SYNE1: variants seen among roughly 807,000 people sequenced by gnomAD.
The protein encoded by SYNE1 is spectrin repeat containing nuclear envelope protein 1.
Under a neutral mutation model 1,111.0 loss-of-function variants are expected in SYNE1, and 616 were observed. The ratio of observed to expected loss-of-function variants is 0.55; its 90% confidence interval spans 0.52 to 0.59. SYNE1 has a LOEUF of 0.59. Ranked by LOEUF, SYNE1 falls within the 20% of genes least tolerant of loss-of-function variation. SYNE1 has a pLI of 0.00. For missense variants in SYNE1, 10,006 were observed against 10,417.0 expected (o/e 0.96, Z 1.72); for synonymous variants, 3,855 against 3,825.8 (o/e 1.01, Z -0.28).
In SYNE1 at chr6:152,430,545, A is replaced by T; in HGVS notation, c.4626T>A (p.Cys1542Ter). Residue 1542 changes from cysteine (C) to a stop codon, truncating the protein, a stop_gained, in exon 35 of 146, where the codon TGT (cysteine) becomes TGA (stop). Coordinates refer to ENST00000367255, the MANE Select transcript of SYNE1 (RefSeq NM_182961.4). LOFTEE classifies it high-confidence loss of function. ...YGEELREHAQ[C>*]LEGTILGHLS... ...AATGTCCCAGGATTGTTCCTTCCAG[A>T]CACTGTGCATGCTCTCGAAGCTCTT... 1 of 1,614,088 alleles carries T rather than the reference A, an allele frequency of 6.2e-7. No individual in the cohort carries two copies. Among genetic ancestry groups the T allele is most frequent in the Non-Finnish European group, 8.5e-7 (1 of 1,179,968 alleles).
chr6:152,560,033 C>T (rs938695411), intron 3 of SYNE1, among the ~76,000 whole-genome samples: 3 of 151,982 alleles, frequency 2.0e-5, no homozygotes, highest in Non-Finnish European at 4.4e-5. Flanking sequence ...ATTCCAGACA[C>T]GTACAATCTA....
chr6:152,171,061 C>T (rs994279122), intron 130 of SYNE1, among the ~76,000 whole-genome samples: 1 of 152,206 alleles, frequency 6.6e-6, no homozygotes, highest in Non-Finnish European at 1.5e-5. Context: ...GAGGCCTCCC[C>T]AGCCATGTGG....
intron 21 of SYNE1, among the ~76,000 whole-genome samples, chr6:152,459,529 C>A (rs1270962778): frequency 6.6e-6 from 1 of 152,214 alleles, no homozygotes; most frequent in African/African-American, 2.4e-5. Context: ...ATTCATGAAG[C>A]TTCCCATGCT....
intron 34 of SYNE1, among the ~76,000 whole-genome samples, chr6:152,432,684 T>A (rs1172346275): frequency 6.6e-6 from 1 of 152,202 alleles, no homozygotes; most frequent in Non-Finnish European, 1.5e-5. Flanking sequence ...GAAAAATGTG[T>A]GTTAATTTTC....
intron 34 of SYNE1, 132 bp downstream of exon 34, chr6:152,433,663 T>C (rs2098449115): frequency 9.3e-7 from 1 of 1,077,030 alleles, no homozygotes; most frequent in South Asian, 1.3e-5. Context: ...TGATAAAATG[T>C]ATGAATTTAA....
chr6:152,523,582 T>C (rs1014549912), intron 5 of SYNE1, among the ~76,000 whole-genome samples: 2 of 152,184 alleles, frequency 1.3e-5, no homozygotes, highest in Admixed American at 6.6e-5. Flanking sequence ...TTTCTAATTC[T>C]GTGAAAAATT....
At chr6:152,587,245 G>A (rs113630338) in intron 3 of SYNE1, among the ~76,000 whole-genome samples, 2,235 of 152,122 alleles carry the variant, frequency 0.015, 53 homozygotes, top group African/African-American at 0.05. Flanking sequence ...CACAATTTTT[G>A]CATTCCTTTT....
chr6:152,567,945 T>C (rs1326632325), intron 3 of SYNE1, among the ~76,000 whole-genome samples: 1 of 152,190 alleles, frequency 6.6e-6, no homozygotes, highest in Admixed American at 6.5e-5. Flanking sequence ...AAGAGACTTG[T>C]GTCTATCTAG....
intron 41 of SYNE1, among the ~76,000 whole-genome samples, chr6:152,414,661 T>G (rs1174433667): frequency 6.6e-6 from 1 of 152,180 alleles, no homozygotes; most frequent in Non-Finnish European, 1.5e-5. Context: ...CAACATTTTC[T>G]GCACCCGATG....
intron 3 of SYNE1, chr6:152,546,535 A>T (rs1371842151): frequency 6.6e-6 from 1 of 152,078 alleles, no homozygotes; most frequent in Non-Finnish European, 1.5e-5. Context: ...TTGGAATTCA[A>T]CTCTGCTCTG....
intron 4 of SYNE1, among the ~76,000 whole-genome samples, chr6:152,535,705 T>C (rs1040078207): frequency 1.3e-5 from 2 of 152,192 alleles, no homozygotes; most frequent in African/African-American, 2.4e-5. Flanking sequence ...ATAATCAATA[T>C]AAATATTAAG....
chr6:152,363,013 T>G (rs2096961098), intron 63 of SYNE1, among the ~76,000 whole-genome samples: 1 of 151,180 alleles, frequency 6.6e-6, no homozygotes, highest in Non-Finnish European at 1.5e-5. Flanking sequence ...CCCGAGTAGC[T>G]GGGACTACAT....
intron 55 of SYNE1, among the ~76,000 whole-genome samples, chr6:152,382,582 T>C (rs1194315796): frequency 6.6e-6 from 1 of 152,150 alleles, no homozygotes; most frequent in Non-Finnish European, 1.5e-5. Flanking sequence ...CAGCATGATA[T>C]GTATATTCAA....
At chr6:152,594,942 T>C (rs1565068068) in intron 3 of SYNE1, among the ~76,000 whole-genome samples, 1 of 152,210 alleles carries the variant, frequency 6.6e-6, no homozygotes, top group Admixed American at 6.5e-5. Context: ...CATTCCAAGC[T>C]TCATTTTCAG....
At chr6:152,478,852 G>A (rs2098854505) in intron 14 of SYNE1, among the ~76,000 whole-genome samples, 1 of 152,104 alleles carries the variant, frequency 6.6e-6, no homozygotes, top group African/African-American at 2.4e-5. Flanking sequence ...CATGTGTGTG[G>A]GCATGAACTA....
intron 130 of SYNE1, among the ~76,000 whole-genome samples, chr6:152,165,894 T>C (rs754904566): frequency 2.0e-5 from 3 of 152,220 alleles, no homozygotes; most frequent in Non-Finnish European, 4.4e-5. Context: ...AGCATGGACA[T>C]GGAATTTTAC....
In SYNE1 at chr6:152,550,248, A is replaced by G. The variant is rs892728989; in HGVS notation, c.68-10227T>C. On this transcript the variant is annotated intron_variant, in intron 3 of 145. Coordinates refer to ENST00000367255, the MANE Select transcript of SYNE1 (RefSeq NM_182961.4). ...CTGAAATTATGTCATTCAAATCTGG[A>G]AAGTTTGGTCTCATGTGGTGGGAAG... 8.7e-5 allele frequency among the ~76,000 whole-genome samples: 13 copies of G among 149,350 alleles called. No individual in the cohort carries two copies. The South Asian group carries it at 1.3e-3, about 15-fold the overall frequency.
chr6:152,238,290 T>C (rs879752645), intron 108 of SYNE1, among the ~76,000 whole-genome samples: 6 of 152,240 alleles, frequency 3.9e-5, no homozygotes, highest in East Asian at 1.9e-4. Context: ...ATCTCTGACT[T>C]TGCCACCAAT....
chr6:152,460,066 G>A (rs1156769166), intron 21 of SYNE1, among the ~76,000 whole-genome samples: 1 of 152,120 alleles, frequency 6.6e-6, no homozygotes, highest in Non-Finnish European at 1.5e-5. Flanking sequence ...CTCCTGGGTA[G>A]AAGAGAAAAC....
Sources: allele counts gnomAD v4.1 joint callset (sites outside exome capture counted in the v4.1 genomes callset), GRCh38; gene constraint gnomAD v4.1.1; transcripts MANE v1.5; gene names NCBI Gene and HGNC (gene_info 2026-07-23, HGNC 2026-07-21).